ASB15: variants seen among roughly 807,000 people sequenced by gnomAD.
ASB15 encodes the protein ankyrin repeat and SOCS box protein 15.
A neutral mutation model predicts 58.0 loss-of-function variants in ASB15; 54 were observed. That is an observed-to-expected ratio of 0.93 (90% CI 0.75 to 1.17). ASB15 has a LOEUF of 1.17. Among genes scored for constraint, ASB15 ranks in the 50% most tolerant of loss-of-function variants. The pLI is 0.00. For synonymous variants in ASB15, 249 were observed against 262.4 expected, an observed-to-expected ratio of 0.95 and a Z score of 0.50; for missense variants, 680 against 707.4, an observed-to-expected ratio of 0.96 and a Z score of 0.44.
chr7:123,577,992 A>G (rs1325541256), intron 1 of ASB15, among the ~76,000 whole-genome samples: 2 of 151,678 alleles, frequency 1.3e-5, no homozygotes, highest in African/African-American at 4.8e-5. Context: ...TGCTGCACCC[A>G]TCAACCCATC....
intron 6 of ASB15, among the ~76,000 whole-genome samples, 193 bp downstream of exon 6, chr7:123,616,688 T>G (rs895509370): frequency 6.6e-6 from 1 of 152,162 alleles, no homozygotes; most frequent in African/African-American, 2.4e-5. Context: ...CATTGGGGGT[T>G]TACCTTTTGC....
intron 4 of ASB15, among the ~76,000 whole-genome samples, chr7:123,615,107 G>A (rs1276016944): frequency 5.3e-5 from 8 of 151,974 alleles, no homozygotes; most frequent in East Asian, 3.9e-4. Context: ...GAAGCGTTGT[G>A]GGCTTTTATT....
At position 123,614,511 on chromosome 7, in the gene ASB15, TA is replaced by T; in HGVS notation, c.11del (p.Asn4MetfsTer16). 6.3e-7 allele frequency: 1 copy of T among 1,594,248 alleles called. No homozygotes were observed. Among genetic ancestry groups the T allele is most frequent in the Non-Finnish European group, 8.6e-7 (1 of 1,162,752 alleles). On this transcript the variant is annotated frameshift_variant, in exon 4 of 12. Coordinates refer to ENST00000451215, the MANE Select transcript of ASB15 (RefSeq NM_001290258.2). LOFTEE classifies it high-confidence loss of function. ...CAAAATTATATGCAGGAATGGATACTAATGATGACCCTGATGAAGACCATCT... is the reference window on the plus strand; with the variant it reads ...CAAAATTATATGCAGGAATGGATACTATGATGACCCTGATGAAGACCATCT... MDT[N>X]DDPDEDHLTS...
chr7:123,603,459 T>C (rs1163687949), intron 1 of ASB15, among the ~76,000 whole-genome samples: 1 of 151,810 alleles, frequency 6.6e-6, no homozygotes, highest in African/African-American at 2.4e-5. Flanking sequence ...ATGATGGTCT[T>C]ATTATCAAAA....
chr7:123,578,832 A>G (rs1799144019), intron 1 of ASB15, among the ~76,000 whole-genome samples: 1 of 152,094 alleles, frequency 6.6e-6, no homozygotes, highest in Non-Finnish European at 1.5e-5. Flanking sequence ...ATTTTTGTCA[A>G]TCTATTTGAA....
chr7:123,616,668 AT>A (rs1343491926), intron 6 of ASB15, among the ~76,000 whole-genome samples, 173 bp downstream of exon 6: 1 of 152,108 alleles, frequency 6.6e-6, no homozygotes, highest in Non-Finnish European at 1.5e-5. Flanking sequence ...AAAATTAGGA[AT>A]TTTTTTGACA....
chr7:123,632,037 C>T (rs1802147237), intron 11 of ASB15, among the ~76,000 whole-genome samples: 1 of 151,994 alleles, frequency 6.6e-6, no homozygotes, highest in South Asian at 2.1e-4. Context: ...GAGATCGCCC[C>T]ACTGCACTCC....
intron 11 of ASB15, among the ~76,000 whole-genome samples, chr7:123,630,608 G>T (rs1401775436): frequency 1.3e-5 from 2 of 151,954 alleles, no homozygotes; most frequent in African/African-American, 4.8e-5. Flanking sequence ...TTTGTAGACA[G>T]GCCATTTTGT....
intron 2 of ASB15, among the ~76,000 whole-genome samples, chr7:123,605,962 A>C (rs1800129716): frequency 6.6e-6 from 1 of 152,212 alleles, no homozygotes; most frequent in African/African-American, 2.4e-5. Context: ...ATTTACCTAT[A>C]TAACAAACGT....
Position 123,624,806 on chromosome 7 carries a change from T to A in ASB15, c.689T>A (p.Ile230Asn). ...YGHCDVLEHL[I>N]HKGGDVLALA... The stretch of plus-strand genomic sequence containing the variant: ...CACTGTGACGTGTTAGAACATCTAA[T>A]CCACAAAGGTATGTGAAAAGGAGTT... Residue 230 changes from isoleucine to asparagine, a missense_variant, in exon 8 of 12, where the codon ATC (isoleucine) becomes AAC (asparagine). Ile to Asn is a moderately radical substitution (Grantham distance 149). Coordinates refer to ENST00000451215, the MANE Select transcript of ASB15 (RefSeq NM_001290258.2). The A allele has an allele frequency of 6.2e-7, 1 of 1,613,644 alleles. No individual in the cohort carries two copies. The highest frequency in any genetic ancestry group is 8.5e-7 in the Non-Finnish European group (1 of 1,179,730).
chr7:123,613,888 A>AT (rs1486544053), intron 3 of ASB15, among the ~76,000 whole-genome samples: 1 of 152,184 alleles, frequency 6.6e-6, no homozygotes, highest in African/African-American at 2.4e-5. Flanking sequence ...TACTAAAAAA[A>AT]TATGAAAATT....
At chr7:123,592,101 T>C (rs1298740104) in intron 1 of ASB15, among the ~76,000 whole-genome samples, 2 of 152,250 alleles carry the variant, frequency 1.3e-5, no homozygotes. Flanking sequence ...GTGTTTATAG[T>C]ATTCTGATAG....
At chr7:123,630,206 A>G (rs984797374) in intron 11 of ASB15, 87 bp downstream of exon 11, 158 of 994,396 alleles carry the variant, frequency 1.6e-4, no homozygotes, top group Non-Finnish European at 2.2e-4. Context: ...TACTTTTCCT[A>G]TGCTACTCTA....
chr7:123,568,676 T>C (rs942982856), intron 1 of ASB15, among the ~76,000 whole-genome samples: 2 of 152,082 alleles, frequency 1.3e-5, no homozygotes, highest in African/African-American at 4.8e-5. Flanking sequence ...AAATAAGTGA[T>C]GAAAGGCAAA....
At position 123,636,394 on chromosome 7, in the gene ASB15, C is replaced by T. The variant is rs1459020598; in HGVS notation, c.1595-415C>T. ...TCATGATCTATGGAATCATCTGTGT[C>T]GATGTTTCATGGATAGTTATTTATC... On this transcript the variant is annotated intron_variant, in intron 11 of 11. Coordinates refer to ENST00000451215, the MANE Select transcript of ASB15 (RefSeq NM_001290258.2). Among the ~76,000 whole-genome samples, 4 of 152,106 alleles carry T rather than the reference C, an allele frequency of 2.6e-5. No individual in the cohort carries two copies. In the East Asian group the frequency reaches 5.8e-4, roughly 22 times the overall value.
chr7:123,638,305 C>G lies in ASB15; in HGVS notation c.*1324C>G. 6.6e-6 allele frequency: 1 copy of G among 152,282 alleles called. No individual in the cohort carries two copies. The highest frequency in any genetic ancestry group is 3.4e-3 in the Middle Eastern group (1 of 294). The allele number at this position is 152,282 out of a possible 1,614,324, so 9.4% of individuals were successfully genotyped here. On this transcript the variant is annotated 3_prime_UTR_variant, in exon 12 of 12. Transcript: ENST00000451215. ...TTCATGATCTAACTCCTGCCTTCTT[C>G]TTTAGCCTCATCTCTGGATGTCTAC...
In ASB15 at chr7:123,628,994, G is replaced by A; in HGVS notation, c.1000G>A (p.Val334Ile). Residue 334 changes from valine to isoleucine, a missense_variant, in exon 10 of 12, where the codon GTC becomes ATC. Physicochemically the swap from Val to Ile is conservative, Grantham distance 29. Coordinates refer to ENST00000451215, the MANE Select transcript of ASB15 (RefSeq NM_001290258.2). ...LELLIENGFD[V>I]NTLLADHISQ... ...ACTGCTCATTGAAAATGGTTTTGAT[G>A]TCAACACTCTACTTGCTGACCACAT... The A allele has an allele frequency of 3.1e-6, 5 of 1,613,752 alleles. No individual in the cohort carries two copies. The highest frequency in any genetic ancestry group is 3.4e-6 in the Non-Finnish European group (4 of 1,179,652).
rs183410142 is a variant in ASB15 at position 123,614,665 on chromosome 7, G to A, written c.107+56G>A. Reference sequence around the variant, plus strand: ...ATTTCTTTATGGCATTCATTTTGTTGTAAGATAAAATGAATACCGTTTCCT... The same window carrying A: ...ATTTCTTTATGGCATTCATTTTGTTATAAGATAAAATGAATACCGTTTCCT... On this transcript the variant is annotated intron_variant, in intron 4 of 11. Coordinates refer to ENST00000451215, the MANE Select transcript of ASB15 (RefSeq NM_001290258.2). 8.6e-6 allele frequency: 10 copies of A among 1,158,078 alleles called. No homozygotes were observed. In the East Asian group the frequency reaches 2.1e-4, roughly 25 times the overall value. The allele number at this position is 1,158,078 out of a possible 1,614,324, so 71.7% of individuals were successfully genotyped here.
Position 123,624,588 on chromosome 7 carries a change from T to C in ASB15, c.471T>C (p.Tyr157=), listed in dbSNP as rs574470030. ...PLLIAVKKGS[Y]DMVSTLIKHN... is the part of the protein sequence containing the mutation. ...TTCAAGCTGTGAAAAAGGGCTCCTATGACATGGTGTCGACTCTGATCAAAC... is the reference window on the plus strand; with the variant it reads ...TTCAAGCTGTGAAAAAGGGCTCCTACGACATGGTGTCGACTCTGATCAAAC... The change falls in exon 8 of 12, where the codon TAT becomes TAC. Residue 157 remains tyrosine (Y), a synonymous_variant. Transcript: ENST00000451215. 1.9e-6 allele frequency: 3 copies of C among 1,613,284 alleles called. No homozygotes were observed. The highest frequency in any genetic ancestry group is 2.7e-5 in the African/African-American group (2 of 75,032).
Sources: allele counts gnomAD v4.1 joint callset (sites outside exome capture counted in the v4.1 genomes callset), GRCh38; gene constraint gnomAD v4.1.1; transcripts MANE v1.5; gene names NCBI Gene and HGNC (gene_info 2026-07-23, HGNC 2026-07-21).